IMMP2L: variants seen among roughly 807,000 people sequenced by gnomAD.
IMMP2L encodes the protein mitochondrial inner membrane protease subunit 2.
Under a neutral mutation model 19.3 loss-of-function variants are expected in IMMP2L, and 18 were observed. That is an observed-to-expected ratio of 0.93 (90% CI 0.64 to 1.38). The LOEUF (loss-of-function observed/expected upper bound fraction) is 1.38, where lower values mean the gene tolerates loss of function less well. Among genes scored for constraint, IMMP2L ranks in the 40% most tolerant of loss-of-function variants. The pLI is 0.00. For synonymous variants in IMMP2L, 76 were observed against 73.0 expected (o/e 1.04, Z -0.21); for missense variants, 233 against 218.2 (o/e 1.07, Z -0.43).
At chr7:110,815,840 A>G (rs1248691062) in intron 5 of IMMP2L, among the ~76,000 whole-genome samples, 1 of 151,924 alleles carries the variant, frequency 6.6e-6, no homozygotes, top group Non-Finnish European at 1.5e-5. Context: ...TATTCCGTCT[A>G]TTTGATTCTT....
At chr7:111,229,201 T>C (rs1273818092) in intron 3 of IMMP2L, among the ~76,000 whole-genome samples, 2 of 151,990 alleles carry the variant, frequency 1.3e-5, no homozygotes, top group Non-Finnish European at 2.9e-5. Flanking sequence ...GAAACACAAA[T>C]TAATTCTTAA....
At chr7:111,350,772 C>T (rs1412617654) in intron 3 of IMMP2L, among the ~76,000 whole-genome samples, 1 of 152,118 alleles carries the variant, frequency 6.6e-6, no homozygotes, top group Admixed American at 6.6e-5. Context: ...TTCATAGTCA[C>T]CATGAGGACT....
chr7:111,109,246 C>T (rs1410092375), intron 3 of IMMP2L, among the ~76,000 whole-genome samples: 2 of 151,870 alleles, frequency 1.3e-5, no homozygotes, highest in Non-Finnish European at 2.9e-5. Flanking sequence ...CATTAACTTT[C>T]CTTCCATAAT....
chr7:110,833,113 T>C (rs377633820), intron 5 of IMMP2L, among the ~76,000 whole-genome samples: 1 of 152,154 alleles, frequency 6.6e-6, no homozygotes, highest in Non-Finnish European at 1.5e-5. Context: ...ATATTCATTC[T>C]AGAACAAGAA....
chr7:110,744,491 A>C lies in IMMP2L; in HGVS notation c.409-80770T>G, dbSNP rs373763206. 3.6e-4 allele frequency among the ~76,000 whole-genome samples: 55 copies of C among 152,322 alleles called. No homozygotes were observed. In the East Asian group the frequency reaches 0.01, roughly 28 times the overall value. On this transcript the variant is annotated intron_variant, in intron 5 of 5. Transcript: ENST00000405709. ...GTAGGAGCCAACAGACACCTCATAC[A>C]GGAGAGCTCTGGCTGGCATCTGGTG...
At chr7:111,233,234 C>G (rs1813910980) in intron 3 of IMMP2L, among the ~76,000 whole-genome samples, 1 of 152,060 alleles carries the variant, frequency 6.6e-6, no homozygotes, top group Admixed American at 6.6e-5. Flanking sequence ...TAAATACAAT[C>G]TCTAAAATAA....
chr7:110,750,839 C>G (rs1562955060), intron 5 of IMMP2L, among the ~76,000 whole-genome samples: 1 of 151,858 alleles, frequency 6.6e-6, no homozygotes. Context: ...CACATGCACA[C>G]AAAAATCCCC....
At chr7:111,181,907 T>C (rs915433329) in intron 3 of IMMP2L, among the ~76,000 whole-genome samples, 2 of 152,056 alleles carry the variant, frequency 1.3e-5, no homozygotes, top group Non-Finnish European at 2.9e-5. Flanking sequence ...TTAGATATGC[T>C]CAAACCTTGC....
At chr7:110,992,103 A>G (rs768234143) in intron 3 of IMMP2L, among the ~76,000 whole-genome samples, 2 of 152,116 alleles carry the variant, frequency 1.3e-5, no homozygotes, top group Admixed American at 1.3e-4. Context: ...TGCTACAATT[A>G]TATGTACATT....
At chr7:110,960,794 G>A (rs774404689) in intron 4 of IMMP2L, among the ~76,000 whole-genome samples, 29 of 151,704 alleles carry the variant, frequency 1.9e-4, no homozygotes, top group Non-Finnish European at 3.2e-4. Flanking sequence ...TCCCCTAAAT[G>A]CTCACTCCAT....
chr7:111,216,018 A>G (rs1052063233), intron 3 of IMMP2L, among the ~76,000 whole-genome samples: 2 of 152,164 alleles, frequency 1.3e-5, no homozygotes, highest in Admixed American at 6.5e-5. Flanking sequence ...GCCAGAATAT[A>G]TACTAAAATA....
chr7:111,352,947 G>C (rs1429309216), intron 3 of IMMP2L, among the ~76,000 whole-genome samples: 1 of 152,132 alleles, frequency 6.6e-6, no homozygotes, highest in African/African-American at 2.4e-5. Context: ...GCCCAAAAGT[G>C]CATGAAGTCT....
intron 5 of IMMP2L, among the ~76,000 whole-genome samples, chr7:110,715,114 T>C (rs1473904480): frequency 2.0e-5 from 3 of 152,180 alleles, no homozygotes; most frequent in Non-Finnish European, 4.4e-5. Context: ...TGTGTTGTAA[T>C]GGCACTTTTG....
intron 3 of IMMP2L, chr7:111,122,997 C>T (rs1334967710): frequency 1.2e-6 from 2 of 1,613,918 alleles, no homozygotes. Flanking sequence ...AGATTCTTCT[C>T]CTACAGACTA....
intron 1 of IMMP2L, among the ~76,000 whole-genome samples, chr7:111,538,634 A>T (rs1848112621): frequency 9.6e-6 from 1 of 104,432 alleles, no homozygotes; most frequent in Admixed American, 9.1e-5. Flanking sequence ...CCCTGTCTCT[A>T]AAAAAAAAAA....
At chr7:110,997,961 G>A (rs1455652004) in intron 3 of IMMP2L, among the ~76,000 whole-genome samples, 1 of 152,006 alleles carries the variant, frequency 6.6e-6, no homozygotes, top group Non-Finnish European at 1.5e-5. Flanking sequence ...AATAGAACAT[G>A]GAAGCTTCAT....
At chr7:110,902,642 C>CTATTTTGTAGGCAAT (rs1585199892) in intron 4 of IMMP2L, among the ~76,000 whole-genome samples, 11 of 111,432 alleles carry the variant, frequency 9.9e-5, no homozygotes, top group South Asian at 4.0e-4. Context: ...AGTACAGACT[C>CTATTTTGTAGGCAAT]GGCCGGGCGC....
intron 3 of IMMP2L, among the ~76,000 whole-genome samples, chr7:111,015,362 T>C (rs1431049100): frequency 6.6e-6 from 1 of 152,126 alleles, no homozygotes; most frequent in Non-Finnish European, 1.5e-5. Flanking sequence ...GTTAATATCA[T>C]AGATACAGCA....
intron 3 of IMMP2L, among the ~76,000 whole-genome samples, chr7:111,102,599 AAGAG>A (rs761007853): frequency 2.6e-5 from 4 of 151,756 alleles, no homozygotes; most frequent in South Asian, 2.1e-4. Context: ...AGTCAAATAA[AAGAG>A]AGAGAGAAAA....
Sources: allele counts gnomAD v4.1 joint callset (sites outside exome capture counted in the v4.1 genomes callset), GRCh38; gene constraint gnomAD v4.1.1; transcripts MANE v1.5; gene names NCBI Gene and HGNC (gene_info 2026-07-23, HGNC 2026-07-21).